SGCZ: variants seen among roughly 807,000 people sequenced by gnomAD.
The protein encoded by SGCZ is zeta-sarcoglycan.
A neutral mutation model predicts 41.3 loss-of-function variants in SGCZ; 40 were observed. The observed-to-expected ratio is 0.97, with a 90% CI of 0.75 to 1.26. The LOEUF (loss-of-function observed/expected upper bound fraction) is 1.26, where lower values mean the gene tolerates loss of function less well. SGCZ is among the 50% of genes most tolerant of loss of function. SGCZ has a pLI of 0.00. For synonymous variants in SGCZ, 206 were observed against 137.5 expected, an observed-to-expected ratio of 1.50 and a Z score of -3.49; for missense variants, 552 against 369.8, an observed-to-expected ratio of 1.49 and a Z score of -4.04.
intron 3 of SGCZ, among the ~76,000 whole-genome samples, chr8:14,266,504 A>G (rs1264214612): frequency 6.6e-6 from 1 of 152,166 alleles, no homozygotes; most frequent in Non-Finnish European, 1.5e-5. Flanking sequence ...GGACCCAAGA[A>G]GAAATGCAGG....
chr8:14,844,864 C>A (rs779672804), intron 1 of SGCZ, among the ~76,000 whole-genome samples: 5 of 152,222 alleles, frequency 3.3e-5, no homozygotes, highest in Admixed American at 6.5e-5. Flanking sequence ...TGGAAACATA[C>A]AATGCAAGCC....
intron 3 of SGCZ, among the ~76,000 whole-genome samples, chr8:14,307,110 T>C (rs535757087): frequency 3.0e-4 from 46 of 152,282 alleles, no homozygotes; most frequent in African/African-American, 1.0e-3. Flanking sequence ...CTATAATAAC[T>C]TTAACTTAAG....
Position 15,094,094 on chromosome 8 carries a change from T to C in SGCZ, c.39+143491A>G, listed in dbSNP as rs193098364. Among the ~76,000 whole-genome samples, 403 of 152,118 alleles carry C rather than the reference T, an allele frequency of 2.6e-3. 1 individual carries two copies. The highest frequency in any genetic ancestry group is 5.0e-3 in the Admixed American group (77 of 15,266). ...GCTGAAAGAAAATAAGACAGAGGGATGGAGAGTGATACGGCAGTTGTTTTA... is the reference window on the plus strand; with the variant it reads ...GCTGAAAGAAAATAAGACAGAGGGACGGAGAGTGATACGGCAGTTGTTTTA... On this transcript the variant is annotated intron_variant, in intron 1 of 7. Transcript: ENST00000382080.
At chr8:14,796,315 T>A (rs989324534) in intron 1 of SGCZ, among the ~76,000 whole-genome samples, 1 of 152,154 alleles carries the variant, frequency 6.6e-6, no homozygotes, top group South Asian at 2.1e-4. Context: ...AGAGACAGAA[T>A]CTATGTTGTC....
intron 1 of SGCZ, among the ~76,000 whole-genome samples, chr8:14,764,827 G>C (rs972726680): frequency 6.6e-6 from 1 of 152,116 alleles, no homozygotes; most frequent in African/African-American, 2.4e-5. Context: ...ACATGCTTCT[G>C]ATATGTAGAA....
At chr8:14,179,903 C>T (rs1804666674) in intron 4 of SGCZ, among the ~76,000 whole-genome samples, 1 of 152,176 alleles carries the variant, frequency 6.6e-6, no homozygotes, top group South Asian at 2.1e-4. Context: ...TCACTGGACA[C>T]ATATAGAGCA....
At chr8:15,040,803 C>CA (rs1804067690) in intron 1 of SGCZ, among the ~76,000 whole-genome samples, 1 of 152,024 alleles carries the variant, frequency 6.6e-6, no homozygotes, top group South Asian at 2.1e-4. Context: ...TTAAACATAT[C>CA]AAAAGATAAT....
intron 3 of SGCZ, among the ~76,000 whole-genome samples, chr8:14,285,515 G>A (rs2116929586): frequency 6.6e-6 from 1 of 152,010 alleles, no homozygotes; most frequent in South Asian, 2.1e-4. Context: ...AATTATTGAG[G>A]TAAAATGTAT....
At chr8:14,536,329 G>C (rs894866864) in intron 2 of SGCZ, among the ~76,000 whole-genome samples, 1 of 151,756 alleles carries the variant, frequency 6.6e-6, no homozygotes, top group Non-Finnish European at 1.5e-5. Context: ...TTGCTACAAA[G>C]TCAGAAAAAT....
intron 2 of SGCZ, among the ~76,000 whole-genome samples, chr8:14,371,315 T>A (rs1803900856): frequency 6.6e-6 from 1 of 152,054 alleles, no homozygotes; most frequent in Non-Finnish European, 1.5e-5. Context: ...TTAAAAAATC[T>A]TTGTGTATGC....
intron 1 of SGCZ, among the ~76,000 whole-genome samples, chr8:14,885,985 T>TTA (rs71209089): frequency 0.028 from 1,581 of 55,628 alleles, 34 homozygotes; most frequent in Non-Finnish European, 0.034. Flanking sequence ...GGACTTTATG[T>TTA]TATATATATA....
chr8:14,481,064 A>T (rs537882679), intron 2 of SGCZ, among the ~76,000 whole-genome samples: 35 of 152,292 alleles, frequency 2.3e-4, no homozygotes, highest in Non-Finnish European at 4.1e-4. Flanking sequence ...TATTAATATA[A>T]TCAACATATA....
chr8:14,815,149 G>T lies in SGCZ; in HGVS notation c.40-260223C>A, dbSNP rs569420872. Among the ~76,000 whole-genome samples, 370 of 152,188 alleles carry T rather than the reference G, an allele frequency of 2.4e-3. 2 individuals are homozygous for T. Among genetic ancestry groups the T allele is most frequent in the Middle Eastern group, 6.8e-3 (2 of 294 alleles). ...ATTTTGGTTATACTTCAATTAGTAA[G>T]TGTATGTTGAGAAGAAAGTGCTCAA... On this transcript the variant is annotated intron_variant, in intron 1 of 7. Coordinates refer to ENST00000382080, the MANE Select transcript of SGCZ (RefSeq NM_139167.4).
At chr8:14,347,601 T>A (rs1420585821) in intron 2 of SGCZ, among the ~76,000 whole-genome samples, 2 of 148,632 alleles carry the variant, frequency 1.3e-5, no homozygotes, top group African/African-American at 5.1e-5. Flanking sequence ...ACATATACTT[T>A]ATAAAATAAA....
intron 1 of SGCZ, among the ~76,000 whole-genome samples, chr8:15,149,401 T>C (rs1017335418): frequency 6.6e-6 from 1 of 152,172 alleles, no homozygotes; most frequent in African/African-American, 2.4e-5. Flanking sequence ...GATAGGACTA[T>C]GAACTTGATT....
intron 1 of SGCZ, among the ~76,000 whole-genome samples, chr8:15,178,319 C>A (rs933616273): frequency 1.3e-5 from 2 of 152,052 alleles, no homozygotes; most frequent in South Asian, 4.1e-4. Context: ...AATATTACAG[C>A]ATTTTACAAT....
intron 2 of SGCZ, among the ~76,000 whole-genome samples, chr8:14,419,013 T>A (rs1275458819): frequency 6.6e-6 from 1 of 151,984 alleles, no homozygotes; most frequent in Non-Finnish European, 1.5e-5. Context: ...CAATCTCACC[T>A]GTGTGTTAAT....
At chr8:15,137,220 A>G (rs1808142610) in intron 1 of SGCZ, among the ~76,000 whole-genome samples, 1 of 152,200 alleles carries the variant, frequency 6.6e-6, no homozygotes, top group East Asian at 1.9e-4. Flanking sequence ...GATATCTATA[A>G]ACTTTGAACT....
intron 4 of SGCZ, among the ~76,000 whole-genome samples, chr8:14,213,637 T>C (rs1805892036): frequency 6.6e-6 from 1 of 151,624 alleles, no homozygotes; most frequent in African/African-American, 2.4e-5. Context: ...CAAAAAAAAA[T>C]GGTAAACGTA....
Sources: gnomAD v4.1 joint callset for allele counts (sites outside exome capture counted in the v4.1 genomes callset) on GRCh38, gnomAD v4.1.1 for gene constraint, MANE v1.5 for transcripts, NCBI Gene and HGNC (gene_info 2026-07-23, HGNC 2026-07-21) for gene names.